The following RHEX variants were observed in gnomAD, a reference collection of about 807,000 sequenced individuals.
The protein encoded by RHEX is regulator of hemoglobinization and erythroid cell expansion.
Under a neutral mutation model 20.1 loss-of-function variants are expected in RHEX, and 18 were observed. The observed-to-expected ratio is 0.90, with a 90% CI of 0.62 to 1.33. The LOEUF (loss-of-function observed/expected upper bound fraction) is 1.33. RHEX is among the 40% of genes most tolerant of loss of function. RHEX has a pLI of 0.00. For synonymous variants in RHEX, 87 were observed against 77.1 expected, an observed-to-expected ratio of 1.13 and a Z score of -0.67; for missense variants, 192 against 214.3, an observed-to-expected ratio of 0.90 and a Z score of 0.65.
chr1:206,064,160 C>T lies in RHEX; in HGVS notation c.-97+10895C>T, dbSNP rs1222285249. Reference sequence around the variant, plus strand: ...GTGAGGAGACCCTCCGCCCGGCAGCCGCCCCGTCTGAGAAGTTAGGAGCCT... The same window carrying T: ...GTGAGGAGACCCTCCGCCCGGCAGCTGCCCCGTCTGAGAAGTTAGGAGCCT... On this transcript the variant is annotated intron_variant, in intron 1 of 5. Transcript: ENST00000331555. 1.7e-4 allele frequency among the ~76,000 whole-genome samples: 25 copies of T among 149,060 alleles called. 2 individuals carry two copies. Among genetic ancestry groups the T allele is most frequent in the Admixed American group, 7.3e-4 (11 of 15,134 alleles).
In RHEX at chr1:206,065,692, A is replaced by G. The variant is rs868951163; in HGVS notation, c.-97+12427A>G. On this transcript the variant is annotated intron_variant, in intron 1 of 5. Coordinates refer to ENST00000331555, the MANE Select transcript of RHEX (RefSeq NM_001007544.4). ...AGGAAAGTCCTGCCTGTGGGACAAC[A>G]GGGATCAGGGACTCAACAAGTCTTA... Among the ~76,000 whole-genome samples the G allele has an allele frequency of 4.6e-5, 7 of 152,332 alleles. 1 individual carries two copies. The Middle Eastern group carries it at 0.01, about 222-fold the overall frequency.
chr1:206,062,626 A>G (rs28635502), intron 1 of RHEX, among the ~76,000 whole-genome samples: 38,437 of 152,018 alleles, frequency 0.25, 7,759 homozygotes, highest in African/African-American at 0.56. Context: ...CCAGATGTGG[A>G]GGAGGAGGCA....
intron 1 of RHEX, among the ~76,000 whole-genome samples, chr1:206,092,410 G>A (rs529130815): frequency 7.8e-4 from 119 of 152,248 alleles, no homozygotes; most frequent in African/African-American, 2.7e-3. Context: ...AAAAGACTGA[G>A]GCTTTGAGAG....
intron 1 of RHEX, among the ~76,000 whole-genome samples, chr1:206,079,208 A>T (rs1204947434): frequency 6.6e-6 from 1 of 152,222 alleles, no homozygotes; most frequent in African/African-American, 2.4e-5. Context: ...ATAGATTTTT[A>T]AAAATACATT....
chr1:206,092,060 C>G (rs1158006642), intron 1 of RHEX, among the ~76,000 whole-genome samples: 1 of 151,288 alleles, frequency 6.6e-6, no homozygotes, highest in Non-Finnish European at 1.5e-5. Flanking sequence ...TTCTCTCTCT[C>G]TCTTTCTCTC....
intron 1 of RHEX, among the ~76,000 whole-genome samples, chr1:206,068,543 G>A (rs1164554549): frequency 1.3e-5 from 2 of 152,108 alleles, no homozygotes; most frequent in African/African-American, 4.8e-5. Flanking sequence ...CACTATGAAT[G>A]AGCTGGAGAA....
intron 1 of RHEX, among the ~76,000 whole-genome samples, chr1:206,066,722 T>G (rs1553284216): frequency 6.6e-6 from 1 of 152,226 alleles, no homozygotes; most frequent in Non-Finnish European, 1.5e-5. Context: ...TTATGCTTAG[T>G]GAGACTGGCT....
At chr1:206,079,795 C>T (rs1360943682) in intron 1 of RHEX, among the ~76,000 whole-genome samples, 1 of 152,188 alleles carries the variant, frequency 6.6e-6, no homozygotes, top group Non-Finnish European at 1.5e-5. Flanking sequence ...ACCTTGTGAT[C>T]TGCCTCTTCG....
At chr1:206,088,175 C>T (rs1157139499) in intron 1 of RHEX, among the ~76,000 whole-genome samples, 2 of 152,016 alleles carry the variant, frequency 1.3e-5, no homozygotes, top group Non-Finnish European at 2.9e-5. Flanking sequence ...GGAAAAAATG[C>T]ATGTTAATTG....
At chr1:206,092,751 A>G (rs1163872084) in intron 1 of RHEX, among the ~76,000 whole-genome samples, 1 of 152,040 alleles carries the variant, frequency 6.6e-6, no homozygotes, top group African/African-American at 2.4e-5. Flanking sequence ...AATAGTCCCT[A>G]TATTATTAAT....
At chr1:206,097,870 G>T in intron 2 of RHEX, 31 bp downstream of exon 2, 1 of 1,495,450 alleles carries the variant, frequency 6.7e-7, no homozygotes, top group South Asian at 1.1e-5. Flanking sequence ...CAGGAGCAAG[G>T]TTCCCACCAA....
chr1:206,089,059 CT>C (rs1553286673), intron 1 of RHEX, among the ~76,000 whole-genome samples: 1 of 152,124 alleles, frequency 6.6e-6, no homozygotes, highest in Non-Finnish European at 1.5e-5. Context: ...ATATACATTT[CT>C]GCTACATGAT....
chr1:206,098,609 T>C (rs2102330198), intron 3 of RHEX: 1 of 161,620 alleles, frequency 6.2e-6, no homozygotes, highest in Non-Finnish European at 1.4e-5. Context: ...TGATAAACAA[T>C]AGAAGGTAGT....
At chr1:206,086,898 TC>T (rs1553286465) in intron 1 of RHEX, among the ~76,000 whole-genome samples, 1 of 152,002 alleles carries the variant, frequency 6.6e-6, no homozygotes, top group Non-Finnish European at 1.5e-5. Context: ...TCCCAACTAC[TC>T]GGGAGGCTGA....
intron 1 of RHEX, among the ~76,000 whole-genome samples, chr1:206,076,378 C>T (rs1662637267): frequency 1.3e-5 from 2 of 152,164 alleles, no homozygotes; most frequent in Non-Finnish European, 2.9e-5. Flanking sequence ...GTTGCCCAGG[C>T]TGGTCTCAAA....
At chr1:206,085,892 C>T (rs1187461237) in intron 1 of RHEX, among the ~76,000 whole-genome samples, 1 of 152,198 alleles carries the variant, frequency 6.6e-6, no homozygotes, top group Non-Finnish European at 1.5e-5. Flanking sequence ...TCTAGGTTCT[C>T]ATGCCATATT....
intron 1 of RHEX, among the ~76,000 whole-genome samples, chr1:206,075,525 A>G (rs567362279): frequency 2.0e-5 from 3 of 152,134 alleles, no homozygotes; most frequent in Non-Finnish European, 4.4e-5. Flanking sequence ...GTGACAAAGC[A>G]TCTGTTGGTT....
At chr1:206,057,992 A>T (rs1553282825) in intron 1 of RHEX, among the ~76,000 whole-genome samples, 1 of 152,272 alleles carries the variant, frequency 6.6e-6, no homozygotes, top group Non-Finnish European at 1.5e-5. Flanking sequence ...CTAGCTCTTG[A>T]TTACTTGCTA....
Position 206,098,244 on chromosome 1 carries a change from C to T in RHEX, c.112+63C>T, listed in dbSNP as rs1156383793. ...TCAGAGACCATTCTCGAGCCTCCAG[C>T]AGGACAAGACCCCTTTGGAGTTCCC... is the stretch of plus-strand genomic sequence containing the variant. On this transcript the variant is annotated intron_variant, in intron 3 of 5. Transcript: ENST00000331555. The T allele has an allele frequency of 4.1e-6, 5 of 1,209,868 alleles. No homozygotes were observed. In the South Asian group the frequency reaches 4.9e-5, roughly 12 times the overall value. The allele number at this position is 1,209,868 out of a possible 1,614,324, so 74.9% of individuals were successfully genotyped here.
Sources: gnomAD v4.1 joint callset for allele counts (sites outside exome capture counted in the v4.1 genomes callset) on GRCh38, gnomAD v4.1.1 for gene constraint, MANE v1.5 for transcripts, NCBI Gene and HGNC (gene_info 2026-07-23, HGNC 2026-07-21) for gene names.